The following EFCAB6 variants were observed in gnomAD, a reference collection of about 807,000 sequenced individuals.
The protein encoded by EFCAB6 is EF-hand calcium-binding domain-containing protein 6.
Under a neutral mutation model 169.8 loss-of-function variants are expected in EFCAB6, and 156 were observed. That is an observed-to-expected ratio of 0.92 (90% CI 0.81 to 1.05). The LOEUF (loss-of-function observed/expected upper bound fraction) is 1.05. EFCAB6 is among the 50% of genes least tolerant of loss of function. The pLI is 0.00. For synonymous variants in EFCAB6, 698 were observed against 676.4 expected (o/e 1.03, Z -0.50); for missense variants, 1,800 against 1,829.1 (o/e 0.98, Z 0.29).
chr22:43,636,175 G>A (rs1362066855), intron 17 of EFCAB6, among the ~76,000 whole-genome samples: 1 of 152,208 alleles, frequency 6.6e-6, no homozygotes, highest in Admixed American at 6.5e-5. Context: ...TAGGAGAACT[G>A]GGTTTGCCGA....
At chr22:43,710,829 A>G (rs2059134506) in intron 10 of EFCAB6, among the ~76,000 whole-genome samples, 1 of 152,170 alleles carries the variant, frequency 6.6e-6, no homozygotes, top group South Asian at 2.1e-4. Flanking sequence ...ATCTACATCT[A>G]ACTATCAATT....
At chr22:43,793,808 C>T (rs975066936) in intron 2 of EFCAB6, among the ~76,000 whole-genome samples, 2 of 152,128 alleles carry the variant, frequency 1.3e-5, no homozygotes, top group Non-Finnish European at 2.9e-5. Flanking sequence ...CACCATCCAT[C>T]GGTTCATCTG....
chr22:43,764,500 CAT>C, intron 5 of EFCAB6, among the ~76,000 whole-genome samples: 1 of 152,280 alleles, frequency 6.6e-6, no homozygotes, highest in South Asian at 2.1e-4. Flanking sequence ...CTGCGATGAA[CAT>C]ATGAGTGCAT....
chr22:43,796,466 A>G (rs757507845), intron 2 of EFCAB6, among the ~76,000 whole-genome samples: 24 of 152,218 alleles, frequency 1.6e-4, no homozygotes, highest in Non-Finnish European at 3.4e-4. Context: ...CTCCTTTATC[A>G]TGGATATAAA....
intron 2 of EFCAB6, among the ~76,000 whole-genome samples, chr22:43,798,722 G>A (rs529802910): frequency 1.3e-5 from 2 of 152,196 alleles, no homozygotes; most frequent in Non-Finnish European, 2.9e-5. Context: ...ACGCATGAGT[G>A]GATTTGCTTC....
chr22:43,771,784 C>T (rs1182145134), intron 4 of EFCAB6, among the ~76,000 whole-genome samples: 4 of 152,164 alleles, frequency 2.6e-5, no homozygotes, highest in South Asian at 2.1e-4. Context: ...AACCCTTCAC[C>T]GGCTCCCTAC....
chr22:43,531,071 C>T (rs2047034323), intron 30 of EFCAB6, 107 bp from the exon 31 acceptor site: 2 of 1,433,156 alleles, frequency 1.4e-6, no homozygotes, highest in African/African-American at 1.4e-5. Flanking sequence ...TCCGGCTTCA[C>T]CTCCCAACCT....
At chr22:43,642,824 G>A (rs1386953383) in intron 17 of EFCAB6, among the ~76,000 whole-genome samples, 1 of 152,156 alleles carries the variant, frequency 6.6e-6, no homozygotes, top group Non-Finnish European at 1.5e-5. Flanking sequence ...ATTGGGCTCA[G>A]GATGCTGTTG....
intron 13 of EFCAB6, among the ~76,000 whole-genome samples, chr22:43,673,467 T>C (rs933722247): frequency 6.6e-6 from 1 of 152,180 alleles, no homozygotes; most frequent in Non-Finnish European, 1.5e-5. Context: ...ATAACAGTTA[T>C]TTAGTATATT....
chr22:43,784,668 TACATATATAC>T (rs1463789622), intron 2 of EFCAB6, among the ~76,000 whole-genome samples: 19 of 68,788 alleles, frequency 2.8e-4, no homozygotes, highest in South Asian at 4.6e-4. Flanking sequence ...TATATACATA[TACATATATAC>T]ACACACACAC....
chr22:43,733,677 C>A (rs190959391), intron 7 of EFCAB6, among the ~76,000 whole-genome samples: 1 of 152,232 alleles, frequency 6.6e-6, no homozygotes, highest in African/African-American at 2.4e-5. Context: ...TTTGTTGAGT[C>A]TTCATCCCAG....
At chr22:43,811,600 CT>C (rs1184328594) in intron 1 of EFCAB6, among the ~76,000 whole-genome samples, 1 of 152,056 alleles carries the variant, frequency 6.6e-6, no homozygotes, top group Non-Finnish European at 1.5e-5. Context: ...TATGTGCAGG[CT>C]GTGGGAGAAG....
At chr22:43,535,367 C>G (rs1408152159) in intron 29 of EFCAB6, 2 of 153,084 alleles carry the variant, frequency 1.3e-5, no homozygotes, top group African/African-American at 4.8e-5. Context: ...CTTTAAGTTT[C>G]CATTCCATTG....
At chr22:43,716,792 T>C in intron 9 of EFCAB6, 56 bp downstream of exon 9, 1 of 1,545,020 alleles carries the variant, frequency 6.5e-7, no homozygotes, top group Non-Finnish European at 8.7e-7. Flanking sequence ...TTTTCCATAT[T>C]GTCTACTTTG....
intron 17 of EFCAB6, among the ~76,000 whole-genome samples, chr22:43,661,093 G>A (rs1442684615): frequency 3.7e-4 from 56 of 152,146 alleles, no homozygotes; most frequent in South Asian, 2.1e-4. Flanking sequence ...TACAAGAGTC[G>A]GCTAGGCGCG....
At chr22:43,762,676 T>C (rs536478243) in intron 5 of EFCAB6, among the ~76,000 whole-genome samples, 14 of 152,346 alleles carry the variant, frequency 9.2e-5, no homozygotes, top group Admixed American at 8.5e-4. Flanking sequence ...CTTTCAAAGT[T>C]AGTTTAAATG....
intron 22 of EFCAB6, among the ~76,000 whole-genome samples, chr22:43,601,473 A>G (rs948307368): frequency 2.0e-5 from 3 of 152,258 alleles, no homozygotes; most frequent in Non-Finnish European, 4.4e-5. Flanking sequence ...TGTTGCCAGC[A>G]TAATTCTCCC....
intron 21 of EFCAB6, among the ~76,000 whole-genome samples, chr22:43,612,420 C>A (rs9614235): frequency 0.058 from 8,759 of 152,186 alleles, 339 homozygotes; most frequent in Non-Finnish European, 0.086. Flanking sequence ...CATCCAGCAT[C>A]TATACGGAAC....
intron 9 of EFCAB6, among the ~76,000 whole-genome samples, chr22:43,712,439 AT>A (rs1254213007): frequency 6.6e-6 from 1 of 152,242 alleles, no homozygotes; most frequent in African/African-American, 2.4e-5. Flanking sequence ...AAATATATGT[AT>A]AAGAAACTCG....
Sources: allele counts gnomAD v4.1 joint callset (sites outside exome capture counted in the v4.1 genomes callset), GRCh38; gene constraint gnomAD v4.1.1; transcripts MANE v1.5; gene names NCBI Gene and HGNC (gene_info 2026-07-23, HGNC 2026-07-21).